PARD3B: variants seen among roughly 807,000 people sequenced by gnomAD.
The protein encoded by PARD3B is partitioning defective 3 homolog B.
PARD3B carries 103 observed loss-of-function variants against 130.2 expected under a neutral mutation model. The observed-to-expected ratio is 0.79, with a 90% CI of 0.67 to 0.93. The LOEUF is 0.93. PARD3B is among the 40% of genes least tolerant of loss of function. The pLI, the probability that PARD3B is intolerant of heterozygous loss-of-function variation, is 0.00. For missense variants in PARD3B, 1,609 were observed against 1,499.2 expected (o/e 1.07, Z -1.21); for synonymous variants, 583 against 553.2 (o/e 1.05, Z -0.76).
In PARD3B at chr2:205,473,733, TAA is replaced by T. The variant is rs1378810804; in HGVS notation, c.3045-26161_3045-26160del. Among the ~76,000 whole-genome samples, 2 of 128,910 alleles carry T rather than the reference TAA, an allele frequency of 1.6e-5. No individual in the cohort carries two copies. The highest frequency in any genetic ancestry group is 7.3e-5 in the African/African-American group (2 of 27,382). 84.6% of individuals were successfully genotyped at this position (128,910 alleles called of 152,430 possible). A position where few individuals can be genotyped will look rare whatever the true frequency, so the allele number is the denominator to read the frequency against. The stretch of plus-strand genomic sequence containing the variant: ...ATACACACACACGTATATAAAACCC[TAA>T]ATATATATATATATATATATAACCT... On this transcript the variant is annotated intron_variant, in intron 20 of 22. Transcript: ENST00000406610. The surrounding 1 kb of genome is among the most constrained non-coding windows in gnomAD (Gnocchi z 4.9).
chr2:204,657,970 C>T (rs911218025), intron 1 of PARD3B, among the ~76,000 whole-genome samples: 23 of 152,126 alleles, frequency 1.5e-4, no homozygotes, highest in African/African-American at 5.3e-4. Context: ...TATTTACTGA[C>T]ACTCTTAGCT....
In PARD3B at chr2:205,463,295, A is replaced by G. The variant is rs539350488; in HGVS notation, c.3044+22623A>G. 2.0e-5 allele frequency among the ~76,000 whole-genome samples: 3 copies of G among 152,172 alleles called. No homozygotes were observed. The South Asian group carries it at 6.2e-4, about 32-fold the overall frequency. ...TGCAAGAGTGCACTCAGTTAGGGGA[A>G]CTCAGCTGAGGTGAGGAACACGTCC... On this transcript the variant is annotated intron_variant, in intron 20 of 22. Coordinates refer to ENST00000406610, the MANE Select transcript of PARD3B (RefSeq NM_001302769.2). This position sits in a 1 kb window ranked among gnomAD's most constrained non-coding sequence, Gnocchi z 4.8.
At chr2:205,331,764 CAG>C (rs1030895716) in intron 18 of PARD3B, among the ~76,000 whole-genome samples, 4 of 93,136 alleles carry the variant, frequency 4.3e-5, no homozygotes, top group African/African-American at 2.5e-4. Context: ...GCCTGGGCGA[CAG>C]AGTGAGACTC....
intron 2 of PARD3B, among the ~76,000 whole-genome samples, chr2:204,921,256 A>C (rs1003447611): frequency 6.6e-6 from 1 of 152,198 alleles, no homozygotes; most frequent in African/African-American, 2.4e-5. Flanking sequence ...CATTAAAAAG[A>C]AAGTTATAGG....
chr2:205,124,196 TA>T, intron 8 of PARD3B, 130 bp from the exon 9 acceptor site: 2 of 796,228 alleles, frequency 2.5e-6, no homozygotes, highest in Non-Finnish European at 3.6e-6. Flanking sequence ...GAAGCATATT[TA>T]AAATGTCCCA....
At chr2:205,389,217 ATAT>A (rs1477098461) in intron 18 of PARD3B, among the ~76,000 whole-genome samples, 1 of 152,154 alleles carries the variant, frequency 6.6e-6, no homozygotes, top group African/African-American at 2.4e-5. Context: ...ATAAAAAGAG[ATAT>A]TAGTTAACTT....
rs533796242 is a variant in PARD3B at position 204,886,882 on chromosome 2, T to C, written c.223-78270T>C. On this transcript the variant is annotated intron_variant, in intron 2 of 22. Transcript: ENST00000406610. The stretch of plus-strand genomic sequence containing the variant: ...ACAGGTGGTGTGTTTAACATCAGGG[T>C]GTCATACAAAGGCATTTTCTTAGAT... 7.9e-5 allele frequency among the ~76,000 whole-genome samples: 12 copies of C among 152,262 alleles called. No homozygotes were observed. The South Asian group carries it at 1.7e-3, about 21-fold the overall frequency.
At chr2:204,704,042 A>G (rs1483311824) in intron 2 of PARD3B, among the ~76,000 whole-genome samples, 2 of 152,174 alleles carry the variant, frequency 1.3e-5, no homozygotes, top group Non-Finnish European at 2.9e-5. Context: ...AGAATAAAAT[A>G]TAAGAAAATG....
chr2:204,777,366 G>A (rs1336012911), intron 2 of PARD3B, among the ~76,000 whole-genome samples: 1 of 152,190 alleles, frequency 6.6e-6, no homozygotes, highest in African/African-American at 2.4e-5. Flanking sequence ...TAATGTGTAT[G>A]TTGGGGCTGT....
chr2:204,627,259 T>C (rs970486810), intron 1 of PARD3B, among the ~76,000 whole-genome samples: 15 of 152,176 alleles, frequency 9.9e-5, no homozygotes, highest in African/African-American at 3.6e-4. Context: ...GTGTGAAAAC[T>C]GACTAATACA....
rs1026723149 is a variant in PARD3B at position 205,253,982 on chromosome 2, T to C, written c.2185+8160T>C. 2.6e-5 allele frequency among the ~76,000 whole-genome samples: 4 copies of C among 151,016 alleles called. No individual in the cohort carries two copies. The highest frequency in any genetic ancestry group is 9.8e-5 in the African/African-American group (4 of 40,960). Reference sequence around the variant, plus strand: ...TATTTTGTCAACCATGGAAGGATAGTTGGACTCAAGAAGGCAAGGTAGAAG... The same window carrying C: ...TATTTTGTCAACCATGGAAGGATAGCTGGACTCAAGAAGGCAAGGTAGAAG... On this transcript the variant is annotated intron_variant, in intron 16 of 22. Coordinates refer to ENST00000406610, the MANE Select transcript of PARD3B (RefSeq NM_001302769.2). The surrounding 1 kb of genome is among the most constrained non-coding windows in gnomAD (Gnocchi z 4.4).
intron 3 of PARD3B, among the ~76,000 whole-genome samples, chr2:205,039,121 G>T (rs969008393): frequency 6.6e-6 from 1 of 151,338 alleles, no homozygotes; most frequent in Non-Finnish European, 1.5e-5. Flanking sequence ...AGTTTTTTTG[G>T]CATCAGCTGA....
At chr2:204,690,559 C>G (rs1042274418) in intron 2 of PARD3B, among the ~76,000 whole-genome samples, 9 of 152,064 alleles carry the variant, frequency 5.9e-5, no homozygotes, top group African/African-American at 2.2e-4. Context: ...GTGCCACCAG[C>G]GAAGAATGTA....
chr2:205,370,391 A>G (rs2044766060), intron 18 of PARD3B, among the ~76,000 whole-genome samples: 1 of 152,214 alleles, frequency 6.6e-6, no homozygotes, highest in African/African-American at 2.4e-5. Flanking sequence ...GAATCATTTC[A>G]ATTAAACAAA....
intron 16 of PARD3B, among the ~76,000 whole-genome samples, chr2:205,261,247 AAATG>A (rs561942515): frequency 1.3e-4 from 20 of 152,066 alleles, no homozygotes; most frequent in African/African-American, 3.6e-4. Flanking sequence ...ATTGTTTGTT[AAATG>A]AATGAATGAA....
intron 22 of PARD3B, among the ~76,000 whole-genome samples, chr2:205,587,500 A>G (rs1474375238): frequency 1.3e-5 from 2 of 152,008 alleles, no homozygotes; most frequent in Non-Finnish European, 2.9e-5. Context: ...AATAGTTTAT[A>G]CTCTTTTCCA....
At chr2:205,066,524 C>T (rs538892479) in intron 4 of PARD3B, among the ~76,000 whole-genome samples, 2 of 152,170 alleles carry the variant, frequency 1.3e-5, no homozygotes, top group Non-Finnish European at 2.9e-5. Flanking sequence ...GACCTGCCTT[C>T]TGGTGTAAGC....
chr2:205,439,712 A>G (rs1012366090), intron 19 of PARD3B, among the ~76,000 whole-genome samples: 2 of 152,124 alleles, frequency 1.3e-5, no homozygotes, highest in Non-Finnish European at 1.5e-5. Flanking sequence ...GTGCCAATTC[A>G]TCTCTGTCAG....
chr2:204,953,037 T>C (rs1689918799), intron 2 of PARD3B, among the ~76,000 whole-genome samples: 1 of 144,278 alleles, frequency 6.9e-6, no homozygotes, highest in Non-Finnish European at 1.5e-5. Flanking sequence ...TGTGTATATA[T>C]GTATATATGT....
Sources: allele counts gnomAD v4.1 joint callset (sites outside exome capture counted in the v4.1 genomes callset), GRCh38; gene constraint gnomAD v4.1.1; non-coding constraint Gnocchi (gnomAD v3.1); transcripts MANE v1.5; gene names NCBI Gene and HGNC (gene_info 2026-07-23, HGNC 2026-07-21).